Variants in FRYL observed in about 807,000 individuals in gnomAD.
FRYL encodes the protein protein furry homolog-like.
Under a neutral mutation model 351.2 loss-of-function variants are expected in FRYL, and 150 were observed. That is an observed-to-expected ratio of 0.43 (90% CI 0.37 to 0.49). The LOEUF is 0.49. Ranked by LOEUF, FRYL falls within the 20% of genes least tolerant of loss-of-function variation. The pLI, the probability that FRYL is intolerant of heterozygous loss-of-function variation, is 0.00. For synonymous variants in FRYL, 1,153 were observed against 1,257.1 expected (o/e 0.92, Z 1.75); for missense variants, 3,036 against 3,619.3 (o/e 0.84, Z 4.13).
Position 48,527,648 on chromosome 4 carries a change from T to C in FRYL, c.7146A>G (p.Val2382=), listed in dbSNP as rs748361039. 8 of 1,571,278 alleles carry C rather than the reference T, an allele frequency of 5.1e-6. No homozygotes were observed. Among genetic ancestry groups the C allele is most frequent in the Non-Finnish European group, 6.9e-6 (8 of 1,166,886 alleles). The part of the protein sequence containing the change: ...ESGLPKNPSV[V]FSSNEDLEVG... Reference sequence around the variant, plus strand: ...CTTCCAAATCCTCATTAGAAGAAAATACAACCTGATGCCCGATTAAAAAAA... The same window carrying C: ...CTTCCAAATCCTCATTAGAAGAAAACACAACCTGATGCCCGATTAAAAAAA... The change falls in exon 53 of 64, where the codon GTA becomes GTG. Residue 2382 remains valine, a synonymous_variant. Transcript: ENST00000358350.
chr4:48,649,452 C>A (rs1757202960), intron 3 of FRYL, among the ~76,000 whole-genome samples: 1 of 152,088 alleles, frequency 6.6e-6, no homozygotes, highest in Non-Finnish European at 1.5e-5. Flanking sequence ...AGTATGTATG[C>A]AAAATAAATT....
intron 1 of FRYL, among the ~76,000 whole-genome samples, chr4:48,722,933 A>G (rs1397244287): frequency 6.6e-6 from 1 of 152,136 alleles, no homozygotes; most frequent in African/African-American, 2.4e-5. Flanking sequence ...GCTTACACCA[A>G]TTCTCTCTTA....
rs368399354 is a variant in FRYL, at chr4:48,506,913, T to C, written c.8395-1298A>G. The stretch of plus-strand genomic sequence containing the variant: ...TTGACAGCATCTCTGAAGAAAAACA[T>C]GTTAAGCTTTTCTAGTGAGATACAG... On this transcript the variant is annotated intron_variant, in intron 59 of 63. Coordinates refer to ENST00000358350, the MANE Select transcript of FRYL (RefSeq NM_015030.2). Among the ~76,000 whole-genome samples, 7 of 152,026 alleles carry C rather than the reference T, an allele frequency of 4.6e-5. No individual in the cohort carries two copies. In the East Asian group the frequency reaches 9.7e-4, roughly 21 times the overall value.
At chr4:48,738,211 G>T (rs1771655116) in intron 1 of FRYL, among the ~76,000 whole-genome samples, 1 of 151,996 alleles carries the variant, frequency 6.6e-6, no homozygotes, top group South Asian at 2.1e-4. Context: ...AAAGCCAAAA[G>T]AATTAACAAA....
At position 48,523,049 on chromosome 4, in the gene FRYL, A is replaced by G. The variant is rs759338146; in HGVS notation, c.7373T>C (p.Ile2458Thr). ...WGVRRRSLDS[I>T]DKGDTPSLQE... Reference sequence around the variant, plus strand: ...GAGGGATGGAGTGTCCCCTTTGTCAATACTGTCCAGTGAGCGCCTGCGAAC... The same window carrying G: ...GAGGGATGGAGTGTCCCCTTTGTCAGTACTGTCCAGTGAGCGCCTGCGAAC... The change falls in exon 54 of 64, where the codon ATT becomes ACT. Residue 2458 changes from isoleucine to threonine, a missense_variant. Around this residue, in one of 7 missense-constraint regions of FRYL, gnomAD observed 1,987 missense variants for 2,311.7 expected, o/e 0.86. Coordinates refer to ENST00000358350, the MANE Select transcript of FRYL (RefSeq NM_015030.2). 3 of 1,613,932 alleles carry G rather than the reference A, an allele frequency of 1.9e-6. No individual in the cohort carries two copies. Among genetic ancestry groups the G allele is most frequent in the East Asian group, 2.2e-5 (1 of 44,872 alleles).
At chr4:48,711,739 T>C (rs1394321035) in intron 1 of FRYL, among the ~76,000 whole-genome samples, 2 of 152,122 alleles carry the variant, frequency 1.3e-5, no homozygotes, top group Non-Finnish European at 2.9e-5. Context: ...CAGCTGGAGA[T>C]CTGAGAATGG....
intron 31 of FRYL, 148 bp from the exon 32 acceptor site, chr4:48,563,136 A>G (rs1735890764): frequency 8.9e-6 from 5 of 563,120 alleles, no homozygotes; most frequent in Non-Finnish European, 1.6e-5. Flanking sequence ...CAATAGGTAC[A>G]ACAACAGATG....
intron 1 of FRYL, among the ~76,000 whole-genome samples, chr4:48,759,047 C>T (rs1384978921): frequency 6.6e-6 from 1 of 152,114 alleles, no homozygotes; most frequent in Admixed American, 6.5e-5. Flanking sequence ...CACCGGGACA[C>T]ACGGTGGGGA....
At chr4:48,685,777 G>T (rs559426451) in intron 2 of FRYL, among the ~76,000 whole-genome samples, 24 of 151,552 alleles carry the variant, frequency 1.6e-4, no homozygotes, top group African/African-American at 5.8e-4. Context: ...TTTTTTGACG[G>T]AGTTTCACTC....
intron 1 of FRYL, among the ~76,000 whole-genome samples, chr4:48,722,565 A>T (rs1234448216): frequency 1.3e-5 from 2 of 152,228 alleles, no homozygotes; most frequent in African/African-American, 4.8e-5. Flanking sequence ...CACTTGTAAC[A>T]TGTCTACATT....
chr4:48,668,078 G>T (rs1560825122), intron 3 of FRYL, among the ~76,000 whole-genome samples: 1 of 152,192 alleles, frequency 6.6e-6, no homozygotes, highest in Admixed American at 6.5e-5. Flanking sequence ...CCCAACAGCT[G>T]TTTTTTTAAA....
rs1742867609 is a variant in FRYL, at chr4:48,589,745, G to A, written c.1640C>T (p.Thr547Met). The change falls in exon 18 of 64, where the codon ACG becomes ATG. Residue 547 changes from threonine (T) to methionine (M), a missense_variant and splice_region_variant. This residue lies in a region of FRYL where 78 missense variants were observed against 106.6 expected (regional missense o/e 0.73). Transcript: ENST00000358350. ...MSNKEPEDMI[T>M]GERKPKIDLF... ...TGAAGGCACATAATTTACTACATACGTAATCATGTCTTCAGGCTCCTTATT... is the reference window on the plus strand; with the variant it reads ...TGAAGGCACATAATTTACTACATACATAATCATGTCTTCAGGCTCCTTATT... 2.5e-6 allele frequency: 4 copies of A among 1,612,344 alleles called. No individual in the cohort carries two copies. Among genetic ancestry groups the A allele is most frequent in the Non-Finnish European group, 2.5e-6 (3 of 1,179,362 alleles).
rs1351038102 is a variant in FRYL, at chr4:48,497,658, A to C, written c.*1764T>G. Reference sequence around the variant, plus strand: ...TAAGATAGGATGTAAAGTGTGATGTATCTCTGGACACCATCCCTCTCTGCC... The same window carrying C: ...TAAGATAGGATGTAAAGTGTGATGTCTCTCTGGACACCATCCCTCTCTGCC... On this transcript the variant is annotated 3_prime_UTR_variant, in exon 64 of 64. Coordinates refer to ENST00000358350, the MANE Select transcript of FRYL (RefSeq NM_015030.2). 6.6e-6 allele frequency: 1 copy of C among 152,658 alleles called. No individual in the cohort carries two copies. The highest frequency in any genetic ancestry group is 1.5e-5 in the Non-Finnish European group (1 of 68,034). 9.5% of individuals were successfully genotyped at this position (152,658 alleles called of 1,614,324 possible).
At chr4:48,574,390 T>G (rs1007634922) in intron 25 of FRYL, 3 of 152,202 alleles carry the variant, frequency 2.0e-5, no homozygotes, top group African/African-American at 7.2e-5. Context: ...TTATAAGAAA[T>G]GCTATCCCAT....
rs572544804 is a variant in FRYL, at chr4:48,501,066, AAAG to A, written c.8592+554_8592+556del. ...ATGCCATTGCACCGCAGCCTGGGCA[AAAG>A]AAGGAGACTCTGCCTCAAAAAAAAA... On this transcript the variant is annotated intron_variant, in intron 62 of 63. Coordinates refer to ENST00000358350, the MANE Select transcript of FRYL (RefSeq NM_015030.2). 1.5e-3 allele frequency among the ~76,000 whole-genome samples: 206 copies of A among 135,322 alleles called. 1 individual carries two copies. Among genetic ancestry groups the A allele is most frequent in the African/African-American group, 5.7e-3 (200 of 34,818 alleles). The allele number at this position is 135,322 out of a possible 152,430, so 88.8% of individuals were successfully genotyped here.
intron 41 of FRYL, among the ~76,000 whole-genome samples, chr4:48,547,258 C>T (rs1173389664): frequency 6.6e-6 from 1 of 152,158 alleles, no homozygotes; most frequent in Non-Finnish European, 1.5e-5. Context: ...TTTTCAGATC[C>T]TGCAAATAAG....
chr4:48,650,983 A>AT (rs1757503861), intron 3 of FRYL, among the ~76,000 whole-genome samples: 1 of 152,134 alleles, frequency 6.6e-6, no homozygotes, highest in Non-Finnish European at 1.5e-5. Flanking sequence ...GAGACTGTGG[A>AT]TATCAGTACT....
In FRYL at chr4:48,529,503, A is replaced by T. The variant is rs115709968; in HGVS notation, c.6904-1167T>A. ...AGCCAAGCTTCTCCATCATACTCCCATGCTATTATACATACATCTTGCTAG... is the reference window on the plus strand; with the variant it reads ...AGCCAAGCTTCTCCATCATACTCCCTTGCTATTATACATACATCTTGCTAG... On this transcript the variant is annotated intron_variant, in intron 50 of 63. Transcript: ENST00000358350. Among the ~76,000 whole-genome samples the T allele has an allele frequency of 1.6e-3, 250 of 152,338 alleles. 2 individuals carry two copies. Among genetic ancestry groups the T allele is most frequent in the African/African-American group, 5.8e-3 (241 of 41,574 alleles).
At chr4:48,634,564 A>C in intron 3 of FRYL, 74 bp from the exon 4 acceptor site, 1 of 1,173,544 alleles carries the variant, frequency 8.5e-7, no homozygotes, top group East Asian at 2.6e-5. Context: ...TACCCTATTT[A>C]ATTTGTAAGC....
Sources: gnomAD v4.1 joint callset for allele counts (sites outside exome capture counted in the v4.1 genomes callset) on GRCh38, gnomAD v4.1.1 for gene constraint, gnomAD v4.1.1 regional missense constraint, MANE v1.5 for transcripts, NCBI Gene and HGNC (gene_info 2026-07-23, HGNC 2026-07-21) for gene names.